Variants in MAT2B observed in about 807,000 individuals in gnomAD.
MAT2B encodes methionine adenosyltransferase 2 non-catalytic beta subunit, also known as methionine adenosyltransferase 2 subunit beta.
In MAT2B, 16 loss-of-function variants were observed where a neutral mutation model predicts 36.1. The ratio of observed to expected loss-of-function variants is 0.44; its 90% CI spans 0.30 to 0.67. MAT2B has a LOEUF of 0.67. Ranked by LOEUF, MAT2B falls within the 30% of genes least tolerant of loss-of-function variation. The pLI is 0.09. For synonymous variants in MAT2B, 148 were observed against 136.9 expected, an observed-to-expected ratio of 1.08 and a Z score of -0.57; for missense variants, 332 against 398.2, an observed-to-expected ratio of 0.83 and a Z score of 1.42.
chr5:163,518,147 G>T (rs1268647420), intron 6 of MAT2B, 46 bp from the exon 7 acceptor site: 3 of 1,421,714 alleles, frequency 2.1e-6, no homozygotes, highest in Admixed American at 2.2e-5. Context: ...TCAAAATATA[G>T]CCTTTCACTT....
chr5:163,511,902 C>T (rs1026374721), intron 1 of MAT2B, 100 bp from the exon 2 acceptor site: 20 of 887,054 alleles, frequency 2.3e-5, no homozygotes, highest in African/African-American at 2.0e-4. Context: ...AGTCAAAATA[C>T]GTAGAATTAA....
At chr5:163,516,460 T>C in intron 4 of MAT2B, 58 bp from the exon 5 acceptor site, 1 of 1,425,232 alleles carries the variant, frequency 7.0e-7, no homozygotes, top group Non-Finnish European at 9.9e-7. Flanking sequence ...CCCTTGTATC[T>C]TACATCAAAA....
chr5:163,512,893 C>T (rs905916129), intron 2 of MAT2B: 7 of 294,078 alleles, frequency 2.4e-5, no homozygotes, highest in Middle Eastern at 1.2e-3. Flanking sequence ...GTTGGCCAGG[C>T]TGGTCTTGAA....
chr5:163,511,768 G>A (rs1288027041), intron 1 of MAT2B, among the ~76,000 whole-genome samples: 1 of 151,956 alleles, frequency 6.6e-6, no homozygotes, highest in East Asian at 1.9e-4. Context: ...ACCCAGGCTG[G>A]TCTCAAGTTC....
chr5:163,504,831 A>AC (rs1759900820), upstream of MAT2B, among the ~76,000 whole-genome samples: 1 of 152,174 alleles, frequency 6.6e-6, no homozygotes, highest in Non-Finnish European at 1.5e-5. Flanking sequence ...CTCGGTGCTC[A>AC]CCAAGGCTGG....
intron 1 of MAT2B, among the ~76,000 whole-genome samples, chr5:163,511,313 C>T (rs1030058015): frequency 1.3e-5 from 2 of 151,678 alleles, no homozygotes; most frequent in Non-Finnish European, 2.9e-5. Flanking sequence ...GTCCCCCAGA[C>T]TGGAGTGCAT....
intron 4 of MAT2B, among the ~76,000 whole-genome samples, chr5:163,515,770 C>CTTTT (rs66978639): frequency 0.34 from 23,043 of 68,526 alleles, 5,365 homozygotes; most frequent in East Asian, 0.44. Flanking sequence ...TTGCCTTTTT[C>CTTTT]TTTTTTTTTT....
chr5:163,512,839 C>T (rs1760068382), intron 2 of MAT2B: 1 of 334,484 alleles, frequency 3.0e-6, no homozygotes, highest in Admixed American at 4.4e-5. Context: ...CGCAACCACA[C>T]CTGGCTAATT....
At chr5:163,503,734 G>A (rs565634060), upstream of MAT2B, among the ~76,000 whole-genome samples, 2 of 152,314 alleles carry the variant, frequency 1.3e-5, 1 homozygote, top group Admixed American at 1.3e-4. Context: ...TATCTGTAGT[G>A]TGTTCCTTTC....
chr5:163,503,103 C>A, upstream of MAT2B: 1 of 384,326 alleles, frequency 2.6e-6, no homozygotes, highest in Admixed American at 4.4e-5. Context: ...TTAGTTCTAC[C>A]AAATAGTTTT....
intron 1 of MAT2B, among the ~76,000 whole-genome samples, chr5:163,511,541 G>A (rs113892196): frequency 0.095 from 13,586 of 142,694 alleles, 789 homozygotes; most frequent in Middle Eastern, 0.15. Flanking sequence ...CCTTGGCCTC[G>A]CAAAGTGCTG....
chr5:163,515,573 G>A (rs182060665), intron 4 of MAT2B, among the ~76,000 whole-genome samples: 43 of 151,936 alleles, frequency 2.8e-4, no homozygotes, highest in Non-Finnish European at 1.3e-4. Context: ...ATCTATTTAG[G>A]AATTTTCTCA....
intron 2 of MAT2B, chr5:163,512,767 C>T (rs1292599297): frequency 7.0e-6 from 3 of 429,866 alleles, no homozygotes; most frequent in South Asian, 4.9e-5. Flanking sequence ...GCAGCCTCCG[C>T]CTCCCAGGGT....
At chr5:163,515,393 GT>G (rs1335020509) in intron 4 of MAT2B, among the ~76,000 whole-genome samples, 1 of 152,102 alleles carries the variant, frequency 6.6e-6, no homozygotes, top group Non-Finnish European at 1.5e-5. Context: ...TGTCACATTT[GT>G]TTTATATGTT....
chr5:163,515,703 T>C (rs1322078928), intron 4 of MAT2B, among the ~76,000 whole-genome samples: 1 of 151,674 alleles, frequency 6.6e-6, no homozygotes, highest in Non-Finnish European at 1.5e-5. Flanking sequence ...TAATGTAGGA[T>C]TTATATATAT....
At chr5:163,515,383 T>C (rs770126618) in intron 4 of MAT2B, among the ~76,000 whole-genome samples, 3 of 152,234 alleles carry the variant, frequency 2.0e-5, no homozygotes, top group Admixed American at 6.5e-5. Flanking sequence ...GTTGATGTTT[T>C]GTCACATTTG....
chr5:163,503,951 A>C (rs147551894), upstream of MAT2B, among the ~76,000 whole-genome samples: 3 of 152,176 alleles, frequency 2.0e-5, no homozygotes, highest in Non-Finnish European at 4.4e-5. Context: ...ACTGTACCCA[A>C]CTTTTACGGG....
rs1760056718 is a variant in MAT2B, at chr5:163,512,146, G to A, written c.208G>A (p.Val70Ile). 6.2e-7 allele frequency: 1 copy of A among 1,614,046 alleles called. No individual in the cohort carries two copies. The highest frequency in any genetic ancestry group is 1.1e-5 in the South Asian group (1 of 91,072). ...FRRARPKFEQ[V>I]NLLDSNAVHH... ...AAGAGCAAGACCAAAATTTGAACAG[G>A]TTAATCTGTTGGATTCTAATGCAGT... is the stretch of plus-strand genomic sequence containing the variant. The change falls in exon 2 of 7, where the codon GTT becomes ATT. Residue 70 changes from valine (V) to isoleucine (I), a missense_variant. Val to Ile is a conservative substitution (Grantham distance 29). Transcript: ENST00000321757.
chr5:163,514,839 A>G (rs1223157983), intron 4 of MAT2B, among the ~76,000 whole-genome samples: 3 of 152,240 alleles, frequency 2.0e-5, no homozygotes, highest in Admixed American at 2.0e-4. Context: ...TTCTGTTGAA[A>G]TCATCCTTGA....
Sources: allele counts gnomAD v4.1 joint callset (sites outside exome capture counted in the v4.1 genomes callset), GRCh38; gene constraint gnomAD v4.1.1; transcripts MANE v1.5; gene names NCBI Gene and HGNC (gene_info 2026-07-23, HGNC 2026-07-21).